Variants in SP140L observed in about 807,000 individuals in gnomAD.
SP140L encodes the protein nuclear body protein SP140-like protein.
Under a neutral mutation model 84.3 loss-of-function variants are expected in SP140L, and 64 were observed. That is an observed-to-expected ratio of 0.76 (90% confidence interval 0.62 to 0.94). The LOEUF (loss-of-function observed/expected upper bound fraction) is 0.94, where lower values mean the gene tolerates loss of function less well. Ranked by LOEUF, SP140L falls within the 40% of genes least tolerant of loss-of-function variation. SP140L has a pLI of 0.00. For synonymous variants in SP140L, 242 were observed against 236.9 expected (o/e 1.02, Z -0.20); for missense variants, 628 against 692.5 (o/e 0.91, Z 1.05).
At chr2:230,383,334 C>A (rs575402468) in intron 7 of SP140L, among the ~76,000 whole-genome samples, 176 bp from the exon 8 acceptor site, 55 of 152,266 alleles carry the variant, frequency 3.6e-4, no homozygotes, top group African/African-American at 1.3e-3. Flanking sequence ...AAGGCTCATG[C>A]AGAATTAAAA....
At chr2:230,395,690 C>T (rs1376674463) in intron 13 of SP140L, among the ~76,000 whole-genome samples, 1 of 152,224 alleles carries the variant, frequency 6.6e-6, no homozygotes, top group African/African-American at 2.4e-5. Context: ...ACAAGGTCAC[C>T]TCTCAGGTGC....
rs776336655 is a variant in SP140L, at chr2:230,400,984, T to C, written c.1343T>C (p.Met448Thr). Reference protein sequence around the residue: ...KTPWNCIFCRMKESPGSQQCC... With the variant: ...KTPWNCIFCRTKESPGSQQCC... Reference sequence around the variant, plus strand: ...CCGTGGAATTGCATCTTCTGCAGGATGAAGGAGTCTCCGGGAAGCCAACAG... The same window carrying C: ...CCGTGGAATTGCATCTTCTGCAGGACGAAGGAGTCTCCGGGAAGCCAACAG... The change falls in exon 16 of 19, where the codon ATG becomes ACG. Residue 448 changes from methionine (M) to threonine (T), a missense_variant. This residue lies in a region of SP140L where 52 missense variants were observed against 87.0 expected (regional missense o/e 0.60). Transcript: ENST00000415673. 7 of 1,537,842 alleles carry C rather than the reference T, an allele frequency of 4.6e-6. No homozygotes were observed. Among genetic ancestry groups the C allele is most frequent in the Admixed American group, 1.9e-5 (1 of 53,610 alleles).
At chr2:230,340,488 T>G (rs1454449793) in intron 2 of SP140L, among the ~76,000 whole-genome samples, 2 of 147,814 alleles carry the variant, frequency 1.4e-5, no homozygotes, top group African/African-American at 5.0e-5. Context: ...TTAGTCCATT[T>G]ACATTTAAAG....
chr2:230,354,848 G>GAAAGAAAGAAAGAAA (rs1456031529), intron 2 of SP140L, among the ~76,000 whole-genome samples: 4 of 108,886 alleles, frequency 3.7e-5, no homozygotes, highest in African/African-American at 1.1e-4. Flanking sequence ...AAGAAAGAAA[G>GAAAGAAAGAAAGAAA]GAAAGAAAGA....
At chr2:230,332,983 CCTGA>C (rs1353162771) in intron 2 of SP140L, among the ~76,000 whole-genome samples, 19 of 152,150 alleles carry the variant, frequency 1.2e-4, no homozygotes, top group African/African-American at 4.3e-4. Flanking sequence ...CCAGTAGCCT[CCTGA>C]CTAAGAGTTC....
At chr2:230,355,045 A>T (rs1332309571) in intron 2 of SP140L, among the ~76,000 whole-genome samples, 1 of 152,154 alleles carries the variant, frequency 6.6e-6, no homozygotes, top group Non-Finnish European at 1.5e-5. Flanking sequence ...TAAAATTGGA[A>T]ATAAGACAAG....
At chr2:230,380,850 T>C (rs985952151) in intron 7 of SP140L, among the ~76,000 whole-genome samples, 1 of 152,220 alleles carries the variant, frequency 6.6e-6, no homozygotes, top group East Asian at 1.9e-4. Context: ...TGTCTGAATA[T>C]ACTGAATTTT....
chr2:230,400,674 C>T, intron 15 of SP140L: 1 of 642,780 alleles, frequency 1.6e-6, no homozygotes, highest in Non-Finnish European at 2.6e-6. Flanking sequence ...GCCTGGCAGG[C>T]AGGACTCCTT....
chr2:230,357,441 C>T (rs914342974), intron 2 of SP140L, among the ~76,000 whole-genome samples: 3 of 151,996 alleles, frequency 2.0e-5, no homozygotes, highest in African/African-American at 7.3e-5. Flanking sequence ...TATTTATATT[C>T]CATTGACTTT....
At chr2:230,388,751 A>G (rs1474264774) in intron 10 of SP140L, 118 bp downstream of exon 10, 2 of 801,768 alleles carry the variant, frequency 2.5e-6, no homozygotes, top group Non-Finnish European at 3.6e-6. Context: ...TATACTAACT[A>G]TTGAAAAACA....
intron 5 of SP140L, among the ~76,000 whole-genome samples, chr2:230,368,111 T>C (rs2060945171): frequency 6.6e-6 from 1 of 152,228 alleles, no homozygotes; most frequent in Admixed American, 6.5e-5. Flanking sequence ...GTTAGCATCT[T>C]CTTCTTTCAG....
intron 2 of SP140L, among the ~76,000 whole-genome samples, chr2:230,337,964 A>C (rs531941922): frequency 0.023 from 3,428 of 150,854 alleles, 123 homozygotes; most frequent in African/African-American, 0.079. Context: ...CTTAGGATTG[A>C]CTTGGCAATG....
intron 2 of SP140L, among the ~76,000 whole-genome samples, chr2:230,352,848 A>G (rs991830444): frequency 4.0e-5 from 6 of 148,930 alleles, no homozygotes; most frequent in African/African-American, 1.5e-4. Context: ...ACACATGCAC[A>G]CACACACATA....
chr2:230,392,836 T>C (rs1575542405), intron 12 of SP140L, among the ~76,000 whole-genome samples: 1 of 152,336 alleles, frequency 6.6e-6, no homozygotes, highest in East Asian at 1.9e-4. Flanking sequence ...AGCAAACCTA[T>C]ACTCAGTCTA....
intron 7 of SP140L, among the ~76,000 whole-genome samples, chr2:230,373,881 A>G (rs1470680173): frequency 6.6e-6 from 1 of 152,232 alleles, no homozygotes; most frequent in African/African-American, 2.4e-5. Flanking sequence ...AAGAACATTC[A>G]TGATTCATGA....
At chr2:230,400,547 G>T in intron 15 of SP140L, 1 of 469,248 alleles carries the variant, frequency 2.1e-6, no homozygotes, top group Middle Eastern at 5.7e-4. Flanking sequence ...GGGGGTTGAG[G>T]AAAAAAAACA....
chr2:230,351,789 G>A (rs746283890), intron 2 of SP140L, among the ~76,000 whole-genome samples: 1 of 150,848 alleles, frequency 6.6e-6, no homozygotes, highest in Non-Finnish European at 1.5e-5. Flanking sequence ...TAGATCTATA[G>A]GTGCACATCA....
intron 2 of SP140L, among the ~76,000 whole-genome samples, chr2:230,336,548 G>A (rs1472589898): frequency 6.6e-6 from 1 of 152,186 alleles, no homozygotes; most frequent in Middle Eastern, 3.2e-3. Flanking sequence ...ACCTCATACA[G>A]AGTGAGTACT....
intron 2 of SP140L, among the ~76,000 whole-genome samples, chr2:230,339,806 T>C (rs1363868755): frequency 2.0e-4 from 28 of 141,348 alleles, no homozygotes; most frequent in Admixed American, 2.8e-4. Flanking sequence ...TTGAGCGGTT[T>C]TGAGTGAGAT....
Sources: allele counts gnomAD v4.1 joint callset (sites outside exome capture counted in the v4.1 genomes callset), GRCh38; gene constraint gnomAD v4.1.1; regional missense constraint gnomAD v4.1.1; transcripts MANE v1.5; gene names NCBI Gene and HGNC (gene_info 2026-07-23, HGNC 2026-07-21).